The following BMPR1B variants were observed in gnomAD, a reference collection of about 807,000 sequenced individuals.
BMPR1B encodes bone morphogenetic protein receptor type-1B.
Under a neutral mutation model 59.1 loss-of-function variants are expected in BMPR1B, and 12 were observed. The observed-to-expected ratio is 0.20, with a 90% CI of 0.13 to 0.33. The LOEUF is 0.33. Ranked by LOEUF, BMPR1B falls within the 10% of genes least tolerant of loss-of-function variation. The probability of loss-of-function intolerance (pLI) is 1.00; values close to 1 mark genes in which losing one functional copy is unlikely to be tolerated. For missense variants in BMPR1B, 550 were observed against 610.9 expected, an observed-to-expected ratio of 0.90 and a Z score of 1.05; for synonymous variants, 237 against 207.3, an observed-to-expected ratio of 1.14 and a Z score of -1.23.
At chr4:95,011,657 G>T (rs1723236331) in intron 3 of BMPR1B, among the ~76,000 whole-genome samples, 1 of 152,068 alleles carries the variant, frequency 6.6e-6, no homozygotes, top group Non-Finnish European at 1.5e-5. Flanking sequence ...TAATTCAATG[G>T]CTACCTCATG....
chr4:95,070,945 T>C (rs1018518029), intron 3 of BMPR1B, among the ~76,000 whole-genome samples: 1 of 152,166 alleles, frequency 6.6e-6, no homozygotes, highest in Non-Finnish European at 1.5e-5. Flanking sequence ...TTTCCTTTTG[T>C]TGAAAACATG....
At chr4:95,043,534 G>C (rs1277039926) in intron 3 of BMPR1B, among the ~76,000 whole-genome samples, 1 of 152,126 alleles carries the variant, frequency 6.6e-6, no homozygotes, top group African/African-American at 2.4e-5. Flanking sequence ...CACAGGCCAT[G>C]CATATAATTA....
chr4:95,054,130 A>T (rs1460208928), intron 3 of BMPR1B, among the ~76,000 whole-genome samples: 1 of 152,226 alleles, frequency 6.6e-6, no homozygotes, highest in Non-Finnish European at 1.5e-5. Context: ...GAATGTGAGC[A>T]TCAGGTGCAT....
At chr4:94,808,212 A>C (rs1723683330) in intron 1 of BMPR1B, among the ~76,000 whole-genome samples, 2 of 152,166 alleles carry the variant, frequency 1.3e-5, no homozygotes, top group South Asian at 4.1e-4. Flanking sequence ...GATGTTAGAT[A>C]CTCAATATAC....
chr4:95,030,971 A>C (rs896622902), intron 3 of BMPR1B, among the ~76,000 whole-genome samples: 3 of 152,024 alleles, frequency 2.0e-5, no homozygotes, highest in Non-Finnish European at 4.4e-5. Context: ...ATTCAATGCC[A>C]TCCCCATCAA....
At chr4:94,828,944 G>A (rs987593130) in intron 1 of BMPR1B, among the ~76,000 whole-genome samples, 1 of 151,564 alleles carries the variant, frequency 6.6e-6, no homozygotes, top group Non-Finnish European at 1.5e-5. Context: ...GTGATATTTA[G>A]GTGTCAAGTT....
chr4:95,144,404 G>T (rs890657287), intron 10 of BMPR1B, among the ~76,000 whole-genome samples: 1 of 151,572 alleles, frequency 6.6e-6, no homozygotes, highest in Non-Finnish European at 1.5e-5. Flanking sequence ...TGAACTCCTG[G>T]ACTCAAGCAA....
chr4:95,016,161 A>G (rs886114664), intron 3 of BMPR1B, among the ~76,000 whole-genome samples: 4 of 152,232 alleles, frequency 2.6e-5, no homozygotes, highest in African/African-American at 4.8e-5. Context: ...AAAAACTGCA[A>G]TTTTGAAAAA....
At chr4:94,799,760 G>A (rs532982631) in intron 1 of BMPR1B, among the ~76,000 whole-genome samples, 2 of 151,772 alleles carry the variant, frequency 1.3e-5, no homozygotes, top group East Asian at 1.9e-4. Context: ...GCGCAATTTC[G>A]GCTCACTGCA....
At chr4:95,100,611 A>G (rs1020201262) in intron 3 of BMPR1B, among the ~76,000 whole-genome samples, 5 of 152,080 alleles carry the variant, frequency 3.3e-5, no homozygotes, top group Non-Finnish European at 7.4e-5. Flanking sequence ...AAAATTGTGC[A>G]TGATTATTTG....
chr4:94,816,218 C>T (rs1181700164), intron 1 of BMPR1B, among the ~76,000 whole-genome samples: 1 of 152,226 alleles, frequency 6.6e-6, no homozygotes, highest in Admixed American at 6.5e-5. Context: ...ACGATCTCAG[C>T]TGACTGCAAC....
At chr4:95,043,491 G>A (rs1725820072) in intron 3 of BMPR1B, among the ~76,000 whole-genome samples, 1 of 152,034 alleles carries the variant, frequency 6.6e-6, no homozygotes, top group Non-Finnish European at 1.5e-5. Context: ...GAATTGTTTT[G>A]TAAACCTTTG....
intron 3 of BMPR1B, among the ~76,000 whole-genome samples, chr4:95,084,231 A>G (rs1361444103): frequency 1.3e-5 from 2 of 151,000 alleles, no homozygotes; most frequent in Non-Finnish European, 3.0e-5. Context: ...AAATAGATTT[A>G]TATATAAAAA....
chr4:95,044,418 A>G (rs1354188716), intron 3 of BMPR1B, among the ~76,000 whole-genome samples: 2 of 152,190 alleles, frequency 1.3e-5, no homozygotes, highest in African/African-American at 4.8e-5. Flanking sequence ...CCTGCTCTCC[A>G]TGAGTGCATA....
At chr4:94,819,667 T>C (rs143436162) in intron 1 of BMPR1B, among the ~76,000 whole-genome samples, 1 of 152,318 alleles carries the variant, frequency 6.6e-6, no homozygotes, top group East Asian at 1.9e-4. Flanking sequence ...TTCACACATA[T>C]AACATTGGTT....
Position 95,018,802 on chromosome 4 carries a change from G to A in BMPR1B, c.-18+22668G>A, listed in dbSNP as rs527707136. ...ATCAACCTAGTGTGGTTAAGAAATG[G>A]AACCTGAACTGGAAGAGTTAATCTT... On this transcript the variant is annotated intron_variant, in intron 3 of 12. Coordinates refer to ENST00000515059, the MANE Select transcript of BMPR1B (RefSeq NM_001203.3). Among the ~76,000 whole-genome samples the A allele has an allele frequency of 3.3e-5, 5 of 152,244 alleles. No homozygotes were observed. In the South Asian group the frequency reaches 1.0e-3, roughly 32 times the overall value.
At position 94,912,394 on chromosome 4, in the gene BMPR1B, C is replaced by T. The variant is rs1336483600; in HGVS notation, c.-113+36494C>T. Among the ~76,000 whole-genome samples the T allele has an allele frequency of 2.6e-5, 4 of 152,034 alleles. No homozygotes were observed. In the East Asian group the frequency reaches 7.7e-4, roughly 29 times the overall value. The stretch of plus-strand genomic sequence containing the variant: ...GGAGTGGGCCTGGCTCCATGTTTTG[C>T]TCAGAGATTCAAGCTGATAGACACT... On this transcript the variant is annotated intron_variant, in intron 2 of 12. Coordinates refer to ENST00000515059, the MANE Select transcript of BMPR1B (RefSeq NM_001203.3).
chr4:95,068,888 ATGT>A (rs1728053278), intron 3 of BMPR1B, among the ~76,000 whole-genome samples: 2 of 152,298 alleles, frequency 1.3e-5, no homozygotes, highest in South Asian at 4.1e-4. Context: ...TCCTCACTTA[ATGT>A]TGTTGATAGG....
chr4:94,856,552 C>T (rs1338167030), intron 1 of BMPR1B, among the ~76,000 whole-genome samples: 1 of 152,302 alleles, frequency 6.6e-6, no homozygotes, highest in Non-Finnish European at 1.5e-5. Flanking sequence ...CAATATGTAA[C>T]AAGAAGGTCC....
Sources: allele counts gnomAD v4.1 joint callset (sites outside exome capture counted in the v4.1 genomes callset), GRCh38; gene constraint gnomAD v4.1.1; transcripts MANE v1.5; gene names NCBI Gene and HGNC (gene_info 2026-07-23, HGNC 2026-07-21).